UIMC1: variants seen among roughly 807,000 people sequenced by gnomAD.
UIMC1 encodes BRCA1-A complex subunit RAP80.
Under a neutral mutation model 84.9 loss-of-function variants are expected in UIMC1, and 42 were observed. The observed-to-expected ratio is 0.49, with a 90% confidence interval of 0.39 to 0.64. The LOEUF (loss-of-function observed/expected upper bound fraction) is 0.64, where lower values mean the gene tolerates loss of function less well. Among genes scored for constraint, UIMC1 ranks in the 30% least tolerant of loss-of-function variants. The probability of loss-of-function intolerance (pLI) is 0.00; values close to 1 mark genes in which losing one functional copy is unlikely to be tolerated. For synonymous variants in UIMC1, 281 were observed against 293.0 expected (o/e 0.96, Z 0.42); for missense variants, 825 against 847.6 (o/e 0.97, Z 0.33).
intron 9 of UIMC1, among the ~76,000 whole-genome samples, chr5:176,950,248 C>T (rs1377213965): frequency 1.3e-5 from 2 of 151,068 alleles, no homozygotes; most frequent in East Asian, 2.1e-4. Flanking sequence ...TACAGATGCG[C>T]ACCACCACGC....
rs529572569 is a variant in UIMC1 at position 177,016,406 on chromosome 5, T to A, written c.-9+6058A>T. ...AAACAAACAAAATACTATAAAATTATCCAGGCTGGGCACGGTGGCTCATGC... is the reference window on the plus strand; with the variant it reads ...AAACAAACAAAATACTATAAAATTAACCAGGCTGGGCACGGTGGCTCATGC... On this transcript the variant is annotated intron_variant, in intron 1 of 5. Coordinates refer to the UIMC1 transcript ENST00000509236. Among the ~76,000 whole-genome samples, 9 of 150,520 alleles carry A rather than the reference T, an allele frequency of 6.0e-5. No homozygotes were observed. The South Asian group carries it at 1.5e-3, about 25-fold the overall frequency.
intron 10 of UIMC1, chr5:176,919,083 CT>C (rs1359071891): frequency 4.2e-6 from 1 of 240,200 alleles, no homozygotes; most frequent in South Asian, 3.7e-5. Flanking sequence ...TATCACTATT[CT>C]TTTTTATTTA....
At chr5:176,937,224 C>T (rs149885394) in intron 10 of UIMC1, among the ~76,000 whole-genome samples, 3 of 152,262 alleles carry the variant, frequency 2.0e-5, no homozygotes, top group South Asian at 2.1e-4. Flanking sequence ...CGGCCAGGTG[C>T]GGTGGCTCAC....
At chr5:176,956,974 T>G (rs969905010) in intron 7 of UIMC1, among the ~76,000 whole-genome samples, 1 of 152,100 alleles carries the variant, frequency 6.6e-6, no homozygotes, top group Admixed American at 6.6e-5. Flanking sequence ...ACAAAACAAT[T>G]TTCTGACATT....
At chr5:176,933,563 CTCAG>C (rs1249759908) in intron 10 of UIMC1, among the ~76,000 whole-genome samples, 8 of 150,980 alleles carry the variant, frequency 5.3e-5, no homozygotes, top group African/African-American at 2.0e-4. Flanking sequence ...CAGGGTCTTG[CTCAG>C]TCACTCAGGC....
intron 1 of UIMC1, among the ~76,000 whole-genome samples, chr5:176,992,205 T>C (rs775548449): frequency 2.0e-5 from 3 of 152,162 alleles, no homozygotes; most frequent in African/African-American, 4.8e-5. Flanking sequence ...AAAGAATCTA[T>C]AGATTGGCTT....
intron 10 of UIMC1, among the ~76,000 whole-genome samples, chr5:176,938,796 G>T (rs1361948985): frequency 6.6e-6 from 1 of 152,160 alleles, no homozygotes; most frequent in East Asian, 1.9e-4. Flanking sequence ...TTCTCCCATT[G>T]TCAGGGACAT....
At chr5:176,937,040 T>C (rs1763792990) in intron 10 of UIMC1, among the ~76,000 whole-genome samples, 1 of 152,228 alleles carries the variant, frequency 6.6e-6, no homozygotes, top group African/African-American at 2.4e-5. Flanking sequence ...AGGTATACAA[T>C]AAATACGTAT....
intron 8 of UIMC1, among the ~76,000 whole-genome samples, chr5:176,952,802 CACAA>C (rs1041211095): frequency 1.8e-4 from 27 of 151,848 alleles, no homozygotes; most frequent in Admixed American, 1.8e-3. Context: ...GTCTCACACA[CACAA>C]AAAAAAGTTT....
chr5:177,001,350 T>G (rs1347923473), intron 1 of UIMC1: 1 of 152,132 alleles, frequency 6.6e-6, no homozygotes, highest in East Asian at 1.9e-4. Context: ...CGTAAGTTGT[T>G]TTATGGGGTT....
chr5:177,009,806 G>A (rs533570407), upstream of UIMC1, among the ~76,000 whole-genome samples: 10 of 151,956 alleles, frequency 6.6e-5, no homozygotes, highest in South Asian at 2.1e-4. This position sits in a 1 kb window ranked among gnomAD's most constrained non-coding sequence, Gnocchi z 4.3. Context: ...AGGCCGAGGC[G>A]GGTGGATCAC....
intron 1 of UIMC1, among the ~76,000 whole-genome samples, chr5:176,997,904 A>C (rs1773872243): frequency 6.6e-6 from 1 of 152,044 alleles, no homozygotes; most frequent in South Asian, 2.1e-4. Flanking sequence ...AGATTCCCCA[A>C]CATTCCCCTT....
chr5:176,922,753 T>C (rs1761860935), intron 10 of UIMC1, among the ~76,000 whole-genome samples: 1 of 152,252 alleles, frequency 6.6e-6, no homozygotes, highest in South Asian at 2.1e-4. Flanking sequence ...TATGAATTAC[T>C]TTTAAGTTCT....
At chr5:176,974,017 C>A (rs1769669189) in intron 3 of UIMC1, among the ~76,000 whole-genome samples, 1 of 152,098 alleles carries the variant, frequency 6.6e-6, no homozygotes, top group Non-Finnish European at 1.5e-5. Context: ...TGCAGTCACA[C>A]CACTATATTC....
chr5:177,018,305 G>A (rs1206102314), intron 1 of UIMC1, among the ~76,000 whole-genome samples: 3 of 149,908 alleles, frequency 2.0e-5, no homozygotes, highest in African/African-American at 5.0e-5. Context: ...AGCCGAGATC[G>A]CACCACTGCA....
intron 10 of UIMC1, among the ~76,000 whole-genome samples, chr5:176,913,349 G>A (rs1760512120): frequency 6.6e-6 from 1 of 152,176 alleles, no homozygotes; most frequent in African/African-American, 2.4e-5. Context: ...ACTTCACCAT[G>A]CTATCAAAAC....
chr5:176,954,590 A>G lies in UIMC1; in HGVS notation c.1339+1369T>C, dbSNP rs1581517280. On this transcript the variant is annotated intron_variant, in intron 8 of 14. Coordinates refer to ENST00000511320, the MANE Select transcript of UIMC1 (RefSeq NM_001199298.2). ...TCTCTACTAAAAAAAAATAATAATA[A>G]TAATTTTTAAAATTAGTTAGGTGTG... 2.6e-5 allele frequency among the ~76,000 whole-genome samples: 4 copies of G among 151,916 alleles called. 1 individual carries two copies. Among genetic ancestry groups the G allele is most frequent in the Admixed American group, 2.6e-4 (4 of 15,250 alleles).
Position 176,982,639 on chromosome 5 carries a change from A to G in UIMC1, c.-8-16T>C. 6.2e-7 allele frequency: 1 copy of G among 1,601,296 alleles called. No homozygotes were observed. The highest frequency in any genetic ancestry group is 8.5e-7 in the Non-Finnish European group (1 of 1,176,354). ...ATCCTTTTGTCTAGAATAAAAGGAC[A>G]ATAATTTTGTCTAGAATAAAAAGAT... On this transcript the variant is annotated splice_polypyrimidine_tract_variant and intron_variant, in intron 1 of 14. Coordinates refer to ENST00000511320, the MANE Select transcript of UIMC1 (RefSeq NM_001199298.2).
At chr5:176,910,012 TA>T (rs1289068890) in intron 11 of UIMC1, among the ~76,000 whole-genome samples, 1 of 152,240 alleles carries the variant, frequency 6.6e-6, no homozygotes, top group Non-Finnish European at 1.5e-5. Context: ...TATTAGGCAC[TA>T]AACAAACAGC....
Sources: gnomAD v4.1 joint callset for allele counts (sites outside exome capture counted in the v4.1 genomes callset) on GRCh38, gnomAD v4.1.1 for gene constraint, Gnocchi (gnomAD v3.1) non-coding constraint, MANE v1.5 for transcripts, NCBI Gene and HGNC (gene_info 2026-07-23, HGNC 2026-07-21) for gene names.